The following ADK variants were observed in gnomAD, a reference collection of about 807,000 sequenced individuals.
The protein encoded by ADK is N6,N6-dimethyladenosine kinase.
A neutral mutation model predicts 44.7 loss-of-function variants in ADK; 24 were observed. The observed-to-expected ratio is 0.54, with a 90% CI of 0.39 to 0.76. The LOEUF is 0.76. ADK is among the 30% of genes least tolerant of loss of function. ADK has a pLI of 0.00. For missense variants in ADK, 321 were observed against 425.1 expected (o/e 0.76, Z 2.15); for synonymous variants, 128 against 142.6 (o/e 0.90, Z 0.73).
At position 74,579,000 on chromosome 10, in the gene ADK, G is replaced by A. The variant is rs576182378; in HGVS notation, c.727-10282G>A. On this transcript the variant is annotated intron_variant, in intron 7 of 10. Transcript: ENST00000539909. ...TGTAATTCCAACATTTTGGGAGGCC[G>A]AGGCAGGTGGATCACCTGAGATCAG... Among the ~76,000 whole-genome samples the A allele has an allele frequency of 7.4e-4, 113 of 152,146 alleles. No individual in the cohort carries two copies. The South Asian group carries it at 0.013, about 18-fold the overall frequency.
At chr10:74,486,588 A>T (rs1165254595) in intron 6 of ADK, among the ~76,000 whole-genome samples, 1 of 152,194 alleles carries the variant, frequency 6.6e-6, no homozygotes, top group Admixed American at 6.5e-5. Context: ...AAATTTATTT[A>T]CTTGAGAAGC....
intron 6 of ADK, among the ~76,000 whole-genome samples, chr10:74,512,811 T>A (rs1484540862): frequency 6.6e-6 from 1 of 151,954 alleles, no homozygotes; most frequent in Non-Finnish European, 1.5e-5. Context: ...AATTTTGGGT[T>A]TAGTTTATTC....
In ADK at chr10:74,360,256, A is replaced by G. The variant is rs11001013; in HGVS notation, c.274-33885A>G. Among the ~76,000 whole-genome samples the G allele has an allele frequency of 5.1e-3, 780 of 152,152 alleles. 8 individuals carry two copies. Among genetic ancestry groups the G allele is most frequent in the African/African-American group, 0.018 (751 of 41,518 alleles). ...ACATTTTATGTTTCTTATGTATAAGAACACTGATGTTTTTATATTTCTAGT... is the reference window on the plus strand; with the variant it reads ...ACATTTTATGTTTCTTATGTATAAGGACACTGATGTTTTTATATTTCTAGT... On this transcript the variant is annotated intron_variant, in intron 4 of 10. Transcript: ENST00000539909.
intron 3 of ADK, among the ~76,000 whole-genome samples, chr10:74,288,276 A>G (rs2132469711): frequency 6.6e-6 from 1 of 152,350 alleles, no homozygotes; most frequent in East Asian, 1.9e-4. Context: ...ATGTATGAAG[A>G]TGAGACAAGG....
At chr10:74,618,684 A>C (rs1852868358) in intron 9 of ADK, among the ~76,000 whole-genome samples, 1 of 151,890 alleles carries the variant, frequency 6.6e-6, no homozygotes, top group African/African-American at 2.4e-5. Context: ...GTTCTTTATA[A>C]ATGGCTTTCC....
At chr10:74,553,625 G>A (rs933441351) in intron 7 of ADK, among the ~76,000 whole-genome samples, 4 of 152,118 alleles carry the variant, frequency 2.6e-5, no homozygotes, top group Non-Finnish European at 5.9e-5. Context: ...AACAGTATTT[G>A]TGTTCTACAT....
At chr10:74,634,839 G>C (rs984685741) in intron 9 of ADK, among the ~76,000 whole-genome samples, 5 of 152,088 alleles carry the variant, frequency 3.3e-5, no homozygotes, top group African/African-American at 1.2e-4. Context: ...CAGCTACTTG[G>C]TAGGGTGAGG....
chr10:74,430,797 C>G (rs563682964), intron 6 of ADK, among the ~76,000 whole-genome samples: 5 of 151,858 alleles, frequency 3.3e-5, no homozygotes, highest in Admixed American at 1.3e-4. Flanking sequence ...GGGGAAAGCA[C>G]ATTTCAAGCA....
chr10:74,513,177 C>G (rs539357752), intron 6 of ADK, among the ~76,000 whole-genome samples: 23 of 152,234 alleles, frequency 1.5e-4, no homozygotes, highest in Non-Finnish European at 3.1e-4. Context: ...TGTCCTTACA[C>G]ACGATTGATC....
rs376782328 is a variant in ADK at position 74,200,747 on chromosome 10, G to C, written c.66-17G>C. The C allele has an allele frequency of 6.4e-6, 10 of 1,571,464 alleles. No individual in the cohort carries two copies. The highest frequency in any genetic ancestry group is 1.7e-4 in the Middle Eastern group (1 of 5,996). On this transcript the variant is annotated splice_polypyrimidine_tract_variant and intron_variant, in intron 1 of 10. Transcript: ENST00000539909. ...ACTTTTAGAAGTATTTCTAACTTGT[G>C]TTTTGTGTTTTTTTAGAGAAAATAT...
At chr10:74,461,136 C>T (rs1316063303) in intron 6 of ADK, among the ~76,000 whole-genome samples, 4 of 147,746 alleles carry the variant, frequency 2.7e-5, no homozygotes, top group Non-Finnish European at 2.9e-5. Context: ...CTTAAGAAAC[C>T]GGAAATAGAA....
chr10:74,238,541 A>T (rs1229628401), intron 3 of ADK, among the ~76,000 whole-genome samples: 2 of 152,202 alleles, frequency 1.3e-5, no homozygotes, highest in Admixed American at 1.3e-4. Context: ...AAAAATTTTA[A>T]ATTTAGAATT....
intron 4 of ADK, among the ~76,000 whole-genome samples, 184 bp from the exon 5 acceptor site, chr10:74,393,957 G>A (rs1843422272): frequency 6.6e-6 from 1 of 152,158 alleles, no homozygotes; most frequent in African/African-American, 2.4e-5. Context: ...AGCAGTATAA[G>A]ATATTACATG....
At chr10:74,541,891 ATAC>A (rs1849654096) in intron 7 of ADK, among the ~76,000 whole-genome samples, 1 of 145,586 alleles carries the variant, frequency 6.9e-6, no homozygotes, top group Non-Finnish European at 1.5e-5. Context: ...GTTACTGGTA[ATAC>A]TAACTTTGAT....
At chr10:74,614,184 G>C (rs1387326126) in intron 9 of ADK, among the ~76,000 whole-genome samples, 1 of 152,042 alleles carries the variant, frequency 6.6e-6, no homozygotes, top group African/African-American at 2.4e-5. Context: ...GTGATCTCAA[G>C]CCTGAAGAAA....
intron 7 of ADK, among the ~76,000 whole-genome samples, chr10:74,550,333 AGTAC>A (rs1328407630): frequency 1.3e-5 from 2 of 151,964 alleles, no homozygotes; most frequent in Non-Finnish European, 2.9e-5. Flanking sequence ...AGCCTCCCAA[AGTAC>A]TGGGATTACA....
At chr10:74,627,180 AG>A (rs1853236587) in intron 9 of ADK, among the ~76,000 whole-genome samples, 2 of 152,046 alleles carry the variant, frequency 1.3e-5, no homozygotes, top group Admixed American at 6.6e-5. Context: ...TTTGGCACAC[AG>A]GGTAATCAAA....
chr10:74,524,043 G>C (rs539814364), intron 6 of ADK, among the ~76,000 whole-genome samples: 1 of 151,834 alleles, frequency 6.6e-6, no homozygotes, highest in Admixed American at 6.6e-5. Context: ...TCTTAACTTC[G>C]CCGACCTTTT....
At chr10:74,681,313 A>G (rs2134233609) in intron 10 of ADK, among the ~76,000 whole-genome samples, 1 of 152,364 alleles carries the variant, frequency 6.6e-6, no homozygotes, top group South Asian at 2.1e-4. Flanking sequence ...TTTAAGAAAG[A>G]ATGAAATGAG....
Sources: allele counts gnomAD v4.1 joint callset (sites outside exome capture counted in the v4.1 genomes callset), GRCh38; gene constraint gnomAD v4.1.1; transcripts MANE v1.5; gene names NCBI Gene and HGNC (gene_info 2026-07-23, HGNC 2026-07-21).